NAV2: variants seen among roughly 807,000 people sequenced by gnomAD.
NAV2 encodes the protein neuron navigator 2.
Under a neutral mutation model 223.2 loss-of-function variants are expected in NAV2, and 54 were observed. The observed-to-expected ratio is 0.24, with a 90% CI of 0.19 to 0.30. The LOEUF is 0.30. Ranked by LOEUF, NAV2 falls within the 10% of genes least tolerant of loss-of-function variation. The probability of loss-of-function intolerance (pLI) is 1.00; values close to 1 mark genes in which losing one functional copy is unlikely to be tolerated. For missense variants in NAV2, 2,806 were observed against 3,147.5 expected (o/e 0.89, Z 2.60); for synonymous variants, 1,279 against 1,239.3 (o/e 1.03, Z -0.67).
intron 1 of NAV2, among the ~76,000 whole-genome samples, chr11:19,611,996 A>G (rs183746265): frequency 3.6e-4 from 55 of 152,322 alleles, no homozygotes; most frequent in Non-Finnish European, 5.3e-4. Flanking sequence ...AGGCATTTCC[A>G]TACATCTTCT....
chr11:19,951,301 T>C (rs983618886), intron 10 of NAV2, among the ~76,000 whole-genome samples: 2 of 152,130 alleles, frequency 1.3e-5, no homozygotes, highest in Non-Finnish European at 2.9e-5. Context: ...CACCTTACAG[T>C]ACAACAAATT....
intron 11 of NAV2, among the ~76,000 whole-genome samples, chr11:20,034,473 G>A (rs188296492): frequency 6.6e-6 from 1 of 151,206 alleles, no homozygotes; most frequent in East Asian, 2.0e-4. Flanking sequence ...TCTGCCTCCC[G>A]GGTTCAAGCA....
chr11:19,906,331 C>T (rs892522346), intron 6 of NAV2, among the ~76,000 whole-genome samples: 10 of 152,186 alleles, frequency 6.6e-5, no homozygotes, highest in South Asian at 6.2e-4. Context: ...AACCTAGTCA[C>T]GTGACCTGCC....
chr11:19,770,824 A>G (rs1348073594), intron 1 of NAV2, among the ~76,000 whole-genome samples: 1 of 152,126 alleles, frequency 6.6e-6, no homozygotes, highest in African/African-American at 2.4e-5. Flanking sequence ...TCCTTCTGGT[A>G]ATACTTAAAA....
chr11:20,057,082 C>T (rs901602067), intron 19 of NAV2, among the ~76,000 whole-genome samples: 7 of 152,070 alleles, frequency 4.6e-5, no homozygotes, highest in Admixed American at 4.6e-4. Flanking sequence ...ATCTGGTTGT[C>T]CCTTTGTTGC....
chr11:19,868,292 T>C (rs1017675291), intron 3 of NAV2, among the ~76,000 whole-genome samples: 109 of 152,304 alleles, frequency 7.2e-4, no homozygotes, highest in African/African-American at 2.6e-3. Context: ...GGGAATGACC[T>C]AATTGTTCTT....
At chr11:20,044,557 G>C (rs754587917) in intron 13 of NAV2, among the ~76,000 whole-genome samples, 1 of 152,134 alleles carries the variant, frequency 6.6e-6, no homozygotes, top group Non-Finnish European at 1.5e-5. Context: ...CAACAGCATG[G>C]GTTTATGAGC....
intron 1 of NAV2, among the ~76,000 whole-genome samples, chr11:19,595,163 T>C (rs558932704): frequency 2.0e-4 from 31 of 152,284 alleles, no homozygotes; most frequent in African/African-American, 7.2e-4. Flanking sequence ...CTGCTGTGTT[T>C]ATCCACCATC....
chr11:20,040,523 C>T (rs779408677), intron 12 of NAV2, among the ~76,000 whole-genome samples: 1 of 152,162 alleles, frequency 6.6e-6, no homozygotes, highest in Non-Finnish European at 1.5e-5. Context: ...CAGCACCGAA[C>T]ACTTGAACCC....
chr11:19,558,166 A>G (rs2044967871), intron 1 of NAV2, among the ~76,000 whole-genome samples: 1 of 152,228 alleles, frequency 6.6e-6, no homozygotes, highest in Admixed American at 6.5e-5. Context: ...TGAGGACTAA[A>G]TGAATACACA....
At chr11:19,544,746 A>C (rs925133658) in intron 1 of NAV2, among the ~76,000 whole-genome samples, 2 of 152,218 alleles carry the variant, frequency 1.3e-5, no homozygotes, top group Non-Finnish European at 2.9e-5. Context: ...TAGGGACATA[A>C]AAGAACGAGC....
chr11:19,395,690 G>A (rs889735164), intron 1 of NAV2, among the ~76,000 whole-genome samples: 1 of 152,190 alleles, frequency 6.6e-6, no homozygotes, highest in African/African-American at 2.4e-5. Context: ...AGCAAACCAA[G>A]CACACTGATG....
At chr11:19,805,301 C>G (rs543395978) in intron 1 of NAV2, among the ~76,000 whole-genome samples, 1 of 152,288 alleles carries the variant, frequency 6.6e-6, no homozygotes, top group South Asian at 2.1e-4. Context: ...CAGACCTCTT[C>G]TTATTTTTAG....
chr11:19,401,595 A>C (rs1220309592), intron 1 of NAV2, among the ~76,000 whole-genome samples: 1 of 152,208 alleles, frequency 6.6e-6, no homozygotes, highest in African/African-American at 2.4e-5. Flanking sequence ...AATGATCGCA[A>C]ATCAAAGGAA....
chr11:19,960,930 CCTGG>C (rs1219641863), intron 10 of NAV2, among the ~76,000 whole-genome samples: 1 of 139,044 alleles, frequency 7.2e-6, no homozygotes, highest in Non-Finnish European at 1.5e-5. Context: ...ACCCTCTTTG[CCTGG>C]AGAGTAGTGG....
chr11:20,079,627 A>AG (rs756723571), intron 24 of NAV2, among the ~76,000 whole-genome samples: 2 of 152,150 alleles, frequency 1.3e-5, no homozygotes, highest in African/African-American at 2.4e-5. Context: ...ATCCAGATAG[A>AG]GGGATAGCAC....
chr11:19,622,581 C>T (rs1245672905), intron 1 of NAV2, among the ~76,000 whole-genome samples: 4 of 152,112 alleles, frequency 2.6e-5, no homozygotes, highest in African/African-American at 9.7e-5. Flanking sequence ...ATTGCAACCC[C>T]TGCTTTTTTT....
intron 1 of NAV2, among the ~76,000 whole-genome samples, chr11:19,732,410 A>T (rs1177043499): frequency 6.6e-6 from 1 of 152,184 alleles, no homozygotes; most frequent in Non-Finnish European, 1.5e-5. Flanking sequence ...GGTTAAAAGG[A>T]TGAAAAGTAG....
intron 1 of NAV2, among the ~76,000 whole-genome samples, chr11:19,451,559 T>C (rs1342342952): frequency 6.6e-6 from 1 of 152,182 alleles, no homozygotes; most frequent in African/African-American, 2.4e-5. Context: ...AGACAGAGAT[T>C]TTAAAAACCA....
Sources: allele counts gnomAD v4.1 joint callset (sites outside exome capture counted in the v4.1 genomes callset), GRCh38; gene constraint gnomAD v4.1.1; transcripts MANE v1.5; gene names NCBI Gene and HGNC (gene_info 2026-07-23, HGNC 2026-07-21).